Variants in ANKRD30B observed in about 807,000 individuals in gnomAD.
ANKRD30B encodes the protein ankyrin repeat domain 30B.
A neutral mutation model predicts 202.2 loss-of-function variants in ANKRD30B; 144 were observed. The observed-to-expected ratio is 0.71, with a 90% CI of 0.62 to 0.82. ANKRD30B has a LOEUF of 0.82. ANKRD30B is among the 40% of genes least tolerant of loss of function. The probability of loss-of-function intolerance (pLI) is 0.00; values close to 1 mark genes in which losing one functional copy is unlikely to be tolerated. For synonymous variants in ANKRD30B, 508 were observed against 561.3 expected (o/e 0.91, Z 1.34); for missense variants, 1,487 against 1,669.1 (o/e 0.89, Z 1.90).
chr18:14,758,955 G>A (rs752071984), intron 5 of ANKRD30B, among the ~76,000 whole-genome samples: 7 of 152,176 alleles, frequency 4.6e-5, no homozygotes, highest in Non-Finnish European at 8.8e-5. Flanking sequence ...TCTTTCCAAA[G>A]TTGTAGTGGG....
At chr18:14,827,722 C>T (rs1341818446) in intron 32 of ANKRD30B, among the ~76,000 whole-genome samples, 1 of 152,184 alleles carries the variant, frequency 6.6e-6, no homozygotes, top group Non-Finnish European at 1.5e-5. Flanking sequence ...AGAAATTATA[C>T]TTTCTAAGTT....
intron 32 of ANKRD30B, among the ~76,000 whole-genome samples, chr18:14,827,637 G>A (rs1438757390): frequency 1.3e-5 from 2 of 152,104 alleles, no homozygotes; most frequent in African/African-American, 2.4e-5. Flanking sequence ...CATGTTGTGT[G>A]TGTTTCTTTC....
intron 14 of ANKRD30B, 80 bp from the exon 15 acceptor site, chr18:14,786,959 G>C (rs1968120498): frequency 7.2e-7 from 1 of 1,382,254 alleles, no homozygotes; most frequent in Non-Finnish European, 9.9e-7. Context: ...ATTCGTGAAT[G>C]AAAGTAGACT....
downstream of ANKRD30B, among the ~76,000 whole-genome samples, chr18:14,855,516 G>A (rs1229449494): frequency 4.0e-5 from 6 of 151,264 alleles, no homozygotes; most frequent in Non-Finnish European, 5.9e-5. Context: ...TTCCCAGATG[G>A]GGCGGCTGGG....
At chr18:14,884,624 G>T in the ANKRD30B span, among the ~76,000 whole-genome samples, 1 of 151,850 alleles carries the variant, frequency 6.6e-6, no homozygotes, top group Admixed American at 6.6e-5. Flanking sequence ...TCAATGATAA[G>T]AATTTGGAAA....
At chr18:14,882,955 A>G in the ANKRD30B span, among the ~76,000 whole-genome samples, 1 of 152,260 alleles carries the variant, frequency 6.6e-6, no homozygotes, top group East Asian at 1.9e-4. Context: ...CATTTGCATG[A>G]AATGCTTTTT....
At chr18:14,864,490 T>A in the ANKRD30B span, among the ~76,000 whole-genome samples, 1 of 152,120 alleles carries the variant, frequency 6.6e-6, no homozygotes, top group Non-Finnish European at 1.5e-5. Context: ...CCACCCTTTT[T>A]CTTCCTCCAT....
At chr18:14,927,972 A>AAT in the ANKRD30B span, among the ~76,000 whole-genome samples, 2 of 151,778 alleles carry the variant, frequency 1.3e-5, no homozygotes, top group African/African-American at 4.8e-5. Flanking sequence ...GTGTGATGGT[A>AAT]ATTTTTTTTT....
intron 36 of ANKRD30B, among the ~76,000 whole-genome samples, chr18:14,839,712 T>C (rs1412762791): frequency 6.6e-6 from 1 of 152,218 alleles, no homozygotes; most frequent in Admixed American, 6.5e-5. Flanking sequence ...TATGAATCTT[T>C]CCTTTTATTC....
chr18:14,831,202 G>GAAAAAAAAAAAAAAAAAAAA (rs1434127361), intron 33 of ANKRD30B, among the ~76,000 whole-genome samples, 181 bp from the exon 34 acceptor site: 2 of 76,926 alleles, frequency 2.6e-5, no homozygotes, highest in African/African-American at 5.4e-5. Context: ...AAAAAAAAAC[G>GAAAAAAAAAAAAAAAAAAAA]AAAACCAGAT....
At chr18:14,895,380 G>T in the ANKRD30B span, among the ~76,000 whole-genome samples, 1 of 152,220 alleles carries the variant, frequency 6.6e-6, no homozygotes. Context: ...AACTGACAGT[G>T]CTGTACGCTG....
intron 30 of ANKRD30B, among the ~76,000 whole-genome samples, chr18:14,818,084 A>C (rs1405069909): frequency 6.6e-6 from 1 of 152,164 alleles, no homozygotes. Flanking sequence ...TGAGAGATTA[A>C]GCATGTTTTA....
At chr18:14,887,710 A>G in the ANKRD30B span, among the ~76,000 whole-genome samples, 79,058 of 151,752 alleles carry the variant, frequency 0.52, 20,777 homozygotes, top group African/African-American at 0.54. Context: ...AGCATATGAA[A>G]CAGATACAGC....
chr18:14,923,151 G>A, the ANKRD30B span, among the ~76,000 whole-genome samples: 2 of 152,126 alleles, frequency 1.3e-5, no homozygotes, highest in East Asian at 3.9e-4. Context: ...ACTGAAATGT[G>A]CTGGTTTCAG....
chr18:14,921,541 G>A, the ANKRD30B span, among the ~76,000 whole-genome samples: 1 of 149,660 alleles, frequency 6.7e-6, no homozygotes, highest in Non-Finnish European at 1.5e-5. Context: ...CTCAGTGAGG[G>A]TAGAATCTAT....
the ANKRD30B span, chr18:14,889,993 C>T: frequency 2.1e-5 from 21 of 999,346 alleles, no homozygotes; most frequent in Admixed American, 3.5e-5. Context: ...AATACCTTTG[C>T]GTAGAGTTTT....
chr18:14,798,652 C>T (rs574413021), intron 20 of ANKRD30B, among the ~76,000 whole-genome samples: 8 of 152,212 alleles, frequency 5.3e-5, no homozygotes, highest in African/African-American at 1.2e-4. Context: ...CACCCCCCTC[C>T]GTGCGTCCAT....
rs1420431116 is a variant in ANKRD30B, at chr18:14,757,896, T to G, written c.699T>G (p.Ala233=). The change falls in exon 5 of 44, where the codon GCT becomes GCG. Residue 233 remains alanine, a synonymous_variant. Transcript: ENST00000690538. ...TTCAGCAAAATGTTGACGTCTTTGC[T>G]GAAGACATACATGGAATAACTGCAG... is the stretch of plus-strand genomic sequence containing the variant. ...MLLQQNVDVF[A]EDIHGITAER... 6.2e-7 allele frequency: 1 copy of G among 1,612,394 alleles called. No individual in the cohort carries two copies. Among genetic ancestry groups the G allele is most frequent in the East Asian group, 2.2e-5 (1 of 44,830 alleles).
chr18:14,775,838 C>T (rs1262704977), intron 9 of ANKRD30B, among the ~76,000 whole-genome samples: 1 of 152,204 alleles, frequency 6.6e-6, no homozygotes, highest in African/African-American at 2.4e-5. Context: ...TTGGTTCTGA[C>T]ACTTACTAGC....
Sources: allele counts gnomAD v4.1 joint callset (sites outside exome capture counted in the v4.1 genomes callset), GRCh38; gene constraint gnomAD v4.1.1; transcripts MANE v1.5; gene names NCBI Gene and HGNC (gene_info 2026-07-23, HGNC 2026-07-21).